KLF12: variants seen among roughly 807,000 people sequenced by gnomAD.
The protein encoded by KLF12 is KLF transcription factor 12.
Under a neutral mutation model 37.8 loss-of-function variants are expected in KLF12, and 9 were observed. The observed-to-expected ratio is 0.24, with a 90% CI of 0.14 to 0.42. KLF12 has a LOEUF of 0.42. Ranked by LOEUF, KLF12 falls within the 10% of genes least tolerant of loss-of-function variation. The pLI, the probability that KLF12 is intolerant of heterozygous loss-of-function variation, is 1.00. For synonymous variants in KLF12, 208 were observed against 202.1 expected, an observed-to-expected ratio of 1.03 and a Z score of -0.25; for missense variants, 411 against 516.0, an observed-to-expected ratio of 0.80 and a Z score of 1.97.
At chr13:74,133,951 T>C (rs1378712361), upstream of KLF12, among the ~76,000 whole-genome samples, 2 of 151,984 alleles carry the variant, frequency 1.3e-5, no homozygotes, top group African/African-American at 4.8e-5. Flanking sequence ...CGGGGAACTG[T>C]TGTACTTGCA....
chr13:74,001,105 C>T (rs571178133), intron 1 of KLF12, among the ~76,000 whole-genome samples: 1 of 152,268 alleles, frequency 6.6e-6, no homozygotes, highest in South Asian at 2.1e-4. Context: ...TGCATTCTGC[C>T]AAAAGTAACT....
chr13:74,046,893 T>C (rs1893562198), intron 1 of KLF12, among the ~76,000 whole-genome samples: 1 of 152,206 alleles, frequency 6.6e-6, no homozygotes, highest in Admixed American at 6.5e-5. Flanking sequence ...AAATTATATA[T>C]CTTAAATTTT....
chr13:74,020,638 C>A (rs1328719005), intron 1 of KLF12, among the ~76,000 whole-genome samples: 2 of 152,024 alleles, frequency 1.3e-5, no homozygotes, highest in Admixed American at 1.3e-4. Context: ...CGTCTGTAAT[C>A]CCAGCACTTT....
rs776289975 is a variant in KLF12, at chr13:73,908,512, G to A, written c.123+35469C>T. 2.7e-5 allele frequency among the ~76,000 whole-genome samples: 4 copies of A among 148,206 alleles called. No homozygotes were observed. The East Asian group carries it at 5.9e-4, about 22-fold the overall frequency. ...TTGTTTTTTTTTGAGATGGAGTTTC[G>A]CTCCGTTGCCCAGGCTGGAGTGTGA... On this transcript the variant is annotated intron_variant, in intron 3 of 7. Coordinates refer to ENST00000377669, the MANE Select transcript of KLF12 (RefSeq NM_007249.5).
chr13:74,191,745 T>C, the KLF12 span, among the ~76,000 whole-genome samples: 4 of 152,140 alleles, frequency 2.6e-5, no homozygotes, highest in African/African-American at 9.7e-5. Flanking sequence ...AAACAAAATT[T>C]CTTAGAACAT....
At chr13:73,770,999 TATTA>T (rs1478023212) in intron 5 of KLF12, among the ~76,000 whole-genome samples, 1 of 152,174 alleles carries the variant, frequency 6.6e-6, no homozygotes, top group African/African-American at 2.4e-5. Flanking sequence ...AATTATAATG[TATTA>T]ATTAATCCTG....
chr13:74,216,026 A>T, the KLF12 span, among the ~76,000 whole-genome samples: 33 of 152,142 alleles, frequency 2.2e-4, no homozygotes, highest in Admixed American at 1.2e-3. Context: ...TGAACACAAG[A>T]GCCCCTTCCA....
the KLF12 span, among the ~76,000 whole-genome samples, chr13:74,156,795 GACTGTATCTC>G: frequency 6.6e-6 from 1 of 152,130 alleles, no homozygotes; most frequent in Non-Finnish European, 1.5e-5. Flanking sequence ...TGTTGCAAAT[GACTGTATCTC>G]ACTCTTTTTT....
At position 73,709,503 on chromosome 13, in the gene KLF12, T is replaced by C. The variant is rs141044788; in HGVS notation, c.1027+5865A>G. ...AACCTGATTCCCTATAGAAATAGTT[T>C]TGATTTCATTTTGAACACTGTTACA... On this transcript the variant is annotated intron_variant, in intron 7 of 7. Coordinates refer to ENST00000377669, the MANE Select transcript of KLF12 (RefSeq NM_007249.5). Among the ~76,000 whole-genome samples, 158 of 152,330 alleles carry C rather than the reference T, an allele frequency of 1.0e-3. 1 individual carries two copies. Among genetic ancestry groups the C allele is most frequent in the African/African-American group, 3.5e-3 (147 of 41,580 alleles).
At chr13:74,207,975 C>A in the KLF12 span, among the ~76,000 whole-genome samples, 1 of 152,138 alleles carries the variant, frequency 6.6e-6, no homozygotes, top group Non-Finnish European at 1.5e-5. Context: ...GATTTTGACT[C>A]ATCATTGAAT....
At chr13:73,902,059 T>A (rs1268843915) in intron 3 of KLF12, among the ~76,000 whole-genome samples, 1 of 152,206 alleles carries the variant, frequency 6.6e-6, no homozygotes, top group African/African-American at 2.4e-5. Context: ...ATGCTTATAG[T>A]TTAATGTGCT....
At chr13:73,730,043 TAGCACCTTCTTCAAG>T (rs1254410889) in intron 6 of KLF12, among the ~76,000 whole-genome samples, 2 of 152,258 alleles carry the variant, frequency 1.3e-5, no homozygotes, top group South Asian at 2.1e-4. Flanking sequence ...AGCATCAAGT[TAGCACCTTCTTCAAG>T]AGCACCTTCT....
At chr13:73,995,198 G>T in intron 1 of KLF12, 145 bp from the exon 2 acceptor site, 1 of 600,732 alleles carries the variant, frequency 1.7e-6, no homozygotes, top group African/African-American at 1.9e-5. Context: ...CTTCAGCTAT[G>T]TGTTGTTGGC....
chr13:73,915,173 C>T (rs1888756736), intron 3 of KLF12, among the ~76,000 whole-genome samples: 2 of 152,180 alleles, frequency 1.3e-5, no homozygotes, highest in African/African-American at 4.8e-5. Flanking sequence ...ACTGTCTTCT[C>T]TTCTGTAGCC....
the KLF12 span, among the ~76,000 whole-genome samples, chr13:74,152,899 T>C: frequency 7.0e-6 from 1 of 142,258 alleles, no homozygotes; most frequent in Non-Finnish European, 1.6e-5. Flanking sequence ...ATAATAATAA[T>C]AATAATAATA....
chr13:73,894,101 T>C (rs1365764040), intron 3 of KLF12, among the ~76,000 whole-genome samples: 1 of 152,156 alleles, frequency 6.6e-6, no homozygotes, highest in Non-Finnish European at 1.5e-5. Flanking sequence ...CCTTTAGCCT[T>C]TGTAGTTGTC....
the KLF12 span, among the ~76,000 whole-genome samples, chr13:74,185,603 A>C: frequency 6.6e-6 from 1 of 152,178 alleles, no homozygotes; most frequent in Non-Finnish European, 1.5e-5. Flanking sequence ...CTTTCAGCAC[A>C]GAATGGTGTC....
At chr13:73,819,953 C>A (rs1383553909) in intron 4 of KLF12, among the ~76,000 whole-genome samples, 2 of 152,096 alleles carry the variant, frequency 1.3e-5, no homozygotes, top group Non-Finnish European at 2.9e-5. Context: ...GAAGCTGTGG[C>A]TGGAACCAAT....
At chr13:73,818,857 C>CTCTTTT (rs1566392003) in intron 4 of KLF12, among the ~76,000 whole-genome samples, 4 of 152,222 alleles carry the variant, frequency 2.6e-5, no homozygotes, top group African/African-American at 9.6e-5. Context: ...TAGCTACGGA[C>CTCTTTT]AGGCTCCCTG....
Sources: gnomAD v4.1 joint callset for allele counts (sites outside exome capture counted in the v4.1 genomes callset) on GRCh38, gnomAD v4.1.1 for gene constraint, MANE v1.5 for transcripts, NCBI Gene and HGNC (gene_info 2026-07-23, HGNC 2026-07-21) for gene names.